The following STK32B variants were observed in gnomAD, a reference collection of about 807,000 sequenced individuals.
STK32B encodes the protein serine/threonine kinase 32B.
STK32B carries 43 observed loss-of-function variants against 52.6 expected under a neutral mutation model. The observed-to-expected ratio is 0.82, with a 90% CI of 0.64 to 1.05. STK32B has a LOEUF of 1.05. Ranked by LOEUF, STK32B falls within the 50% of genes least tolerant of loss-of-function variation. The probability of loss-of-function intolerance (pLI) is 0.00; values close to 1 mark genes in which losing one functional copy is unlikely to be tolerated. For missense variants in STK32B, 621 were observed against 534.6 expected, an observed-to-expected ratio of 1.16 and a Z score of -1.59; for synonymous variants, 238 against 204.3, an observed-to-expected ratio of 1.17 and a Z score of -1.41.
chr4:5,128,114 C>T (rs1480983240), intron 1 of STK32B, among the ~76,000 whole-genome samples: 2 of 152,278 alleles, frequency 1.3e-5, no homozygotes, highest in South Asian at 2.1e-4. Flanking sequence ...CTGGCAACTC[C>T]CAGAAGCCAG....
chr4:5,319,168 T>C (rs995141176), intron 3 of STK32B, among the ~76,000 whole-genome samples: 1 of 152,170 alleles, frequency 6.6e-6, no homozygotes, highest in African/African-American at 2.4e-5. Flanking sequence ...CCTTGACTCA[T>C]AATAACTCCT....
At position 5,332,999 on chromosome 4, in the gene STK32B, G is replaced by A. The variant is rs191009989; in HGVS notation, c.434+1606G>A. Among the ~76,000 whole-genome samples, 162 of 152,114 alleles carry A rather than the reference G, an allele frequency of 1.1e-3. No homozygotes were observed. In the Middle Eastern group the frequency reaches 0.017, roughly 16 times the overall value. ...ATAACAGCATGATTTATAGTCGTTT[G>A]GGTATATACCCAGTAATGGGATGGC... is the stretch of plus-strand genomic sequence containing the variant. On this transcript the variant is annotated intron_variant, in intron 4 of 11. Transcript: ENST00000282908.
At chr4:5,364,035 TC>T (rs1734711930) in intron 4 of STK32B, among the ~76,000 whole-genome samples, 1 of 149,976 alleles carries the variant, frequency 6.7e-6, no homozygotes, top group Non-Finnish European at 1.5e-5. Context: ...GCTGGAGGCA[TC>T]CTTTTGAAAA....
At position 5,321,708 on chromosome 4, in the gene STK32B, CAGAT is replaced by C. The variant is rs76425300; in HGVS notation, c.261-9505_261-9502del. Among the ~76,000 whole-genome samples the C allele has an allele frequency of 9.5e-3, 1,443 of 152,276 alleles. 49 individuals are homozygous for C. The East Asian group carries it at 0.11, about 12-fold the overall frequency. On this transcript the variant is annotated intron_variant, in intron 3 of 11. Coordinates refer to ENST00000282908, the MANE Select transcript of STK32B (RefSeq NM_018401.3). ...ACAAGGGCAATATTCTGCATTTATACAGATAGATAGCACTTTACAGTCTGCAAAG... is the reference window on the plus strand; with the variant it reads ...ACAAGGGCAATATTCTGCATTTATACAGATAGCACTTTACAGTCTGCAAAG...
the STK32B span, among the ~76,000 whole-genome samples, chr4:5,039,600 T>G: frequency 6.6e-6 from 1 of 152,224 alleles, no homozygotes; most frequent in Non-Finnish European, 1.5e-5. Flanking sequence ...TTTAAAATAA[T>G]GATAAAAGTA....
At chr4:5,315,893 T>C (rs1730644933) in intron 3 of STK32B, among the ~76,000 whole-genome samples, 1 of 150,548 alleles carries the variant, frequency 6.6e-6, no homozygotes, top group African/African-American at 2.4e-5. Flanking sequence ...TTAGTAGAGA[T>C]GGGGTTTTGC....
In STK32B at chr4:5,284,148, A is replaced by G. The variant is rs147168395; in HGVS notation, c.261-47072A>G. Among the ~76,000 whole-genome samples, 11 of 152,296 alleles carry G rather than the reference A, an allele frequency of 7.2e-5. No individual in the cohort carries two copies. In the East Asian group the frequency reaches 1.7e-3, roughly 24 times the overall value. ...TGTATGTGATTAAAGGCACATTTTTATCATCTTAAATTAGGTTGTTATAAG... is the reference window on the plus strand; with the variant it reads ...TGTATGTGATTAAAGGCACATTTTTGTCATCTTAAATTAGGTTGTTATAAG... On this transcript the variant is annotated intron_variant, in intron 3 of 11. Coordinates refer to ENST00000282908, the MANE Select transcript of STK32B (RefSeq NM_018401.3).
intron 1 of STK32B, among the ~76,000 whole-genome samples, chr4:5,090,575 G>A (rs1713020834): frequency 6.6e-6 from 1 of 151,964 alleles, no homozygotes; most frequent in African/African-American, 2.4e-5. Flanking sequence ...GTGTTAGCCA[G>A]GATGGTCTCG....
At chr4:5,241,059 C>A (rs1724989678) in intron 3 of STK32B, among the ~76,000 whole-genome samples, 1 of 152,146 alleles carries the variant, frequency 6.6e-6, no homozygotes, top group African/African-American at 2.4e-5. Flanking sequence ...ATTTTTACCT[C>A]ATCTATTAAA....
intron 3 of STK32B, among the ~76,000 whole-genome samples, chr4:5,260,650 A>G (rs1237652056): frequency 6.6e-6 from 1 of 152,190 alleles, no homozygotes; most frequent in African/African-American, 2.4e-5. Flanking sequence ...TGAATGGCCT[A>G]TTAGGGAAGG....
chr4:5,355,202 A>G (rs1734091748), intron 4 of STK32B, among the ~76,000 whole-genome samples: 1 of 152,226 alleles, frequency 6.6e-6, no homozygotes, highest in African/African-American at 2.4e-5. Context: ...CGTGTGATGC[A>G]TGTTTAAGCT....
intron 4 of STK32B, among the ~76,000 whole-genome samples, chr4:5,340,289 G>A (rs906459549): frequency 6.6e-6 from 1 of 152,212 alleles, no homozygotes; most frequent in African/African-American, 2.4e-5. Context: ...AAGGAGGGGT[G>A]CCCAGCCAGC....
intron 1 of STK32B, among the ~76,000 whole-genome samples, chr4:5,102,004 C>T (rs758818335): frequency 3.3e-5 from 5 of 152,204 alleles, no homozygotes; most frequent in East Asian, 1.9e-4. Context: ...GTGTCCTCTT[C>T]TGTTCTCACT....
intron 11 of STK32B, among the ~76,000 whole-genome samples, chr4:5,494,771 A>G (rs1003769232): frequency 2.6e-4 from 39 of 152,146 alleles, no homozygotes; most frequent in Non-Finnish European, 4.1e-4. Flanking sequence ...GGCAGGCCTG[A>G]TGGTGACAAA....
At chr4:5,245,633 T>G (rs1275329267) in intron 3 of STK32B, among the ~76,000 whole-genome samples, 1 of 152,174 alleles carries the variant, frequency 6.6e-6, no homozygotes, top group Non-Finnish European at 1.5e-5. Context: ...AGCTGGTTAT[T>G]TTGCTCGTTA....
intron 6 of STK32B, among the ~76,000 whole-genome samples, chr4:5,431,677 A>G (rs1713596901): frequency 6.6e-6 from 1 of 152,156 alleles, no homozygotes; most frequent in Admixed American, 6.5e-5. Context: ...TGAAATACTA[A>G]TGGTCAACAG....
intron 1 of STK32B, among the ~76,000 whole-genome samples, chr4:5,100,025 G>A (rs1713639275): frequency 6.6e-6 from 1 of 151,868 alleles, no homozygotes; most frequent in African/African-American, 2.4e-5. Flanking sequence ...CACTGAATAG[G>A]TCAAATAGAA....
At chr4:5,173,205 CTTT>C (rs1490271510) in intron 3 of STK32B, among the ~76,000 whole-genome samples, 1 of 152,050 alleles carries the variant, frequency 6.6e-6, no homozygotes, top group African/African-American at 2.4e-5. Context: ...CTCTTTTCTT[CTTT>C]ATTAGTCTTG....
chr4:5,189,798 T>C (rs1044465558), intron 3 of STK32B, among the ~76,000 whole-genome samples: 1 of 152,154 alleles, frequency 6.6e-6, no homozygotes, highest in African/African-American at 2.4e-5. Flanking sequence ...TTCCTGCTGC[T>C]CCCTCCACAT....
Sources: gnomAD v4.1 joint callset for allele counts (sites outside exome capture counted in the v4.1 genomes callset) on GRCh38, gnomAD v4.1.1 for gene constraint, MANE v1.5 for transcripts, NCBI Gene and HGNC (gene_info 2026-07-23, HGNC 2026-07-21) for gene names.